Variants in GCNT1 observed in about 807,000 individuals in gnomAD.
GCNT1 encodes the protein beta-1,3-galactosyl-O-glycosyl-glycoprotein beta-1,6-N-acetylglucosaminyltransferase.
GCNT1 carries 16 observed loss-of-function variants against 26.2 expected under a neutral mutation model. The ratio of observed to expected loss-of-function variants is 0.61; its 90% CI spans 0.41 to 0.93. The LOEUF is 0.93. GCNT1 is among the 40% of genes least tolerant of loss of function. GCNT1 has a pLI of 0.00. For synonymous variants in GCNT1, 183 were observed against 190.8 expected, an observed-to-expected ratio of 0.96 and a Z score of 0.34; for missense variants, 477 against 526.7, an observed-to-expected ratio of 0.91 and a Z score of 0.92.
At chr9:76,429,470 A>G (rs889345591) in intron 1 of GCNT1, among the ~76,000 whole-genome samples, 3 of 152,216 alleles carry the variant, frequency 2.0e-5, no homozygotes, top group African/African-American at 4.8e-5. Context: ...TCCTTAATAC[A>G]GTGGCCTAAA....
chr9:76,395,965 G>A, the GCNT1 span, among the ~76,000 whole-genome samples: 2 of 152,238 alleles, frequency 1.3e-5, no homozygotes, highest in Non-Finnish European at 2.9e-5. Flanking sequence ...CAGAAAAGAG[G>A]TCAGAATGAT....
At chr9:76,405,173 T>G in the GCNT1 span, among the ~76,000 whole-genome samples, 2 of 152,172 alleles carry the variant, frequency 1.3e-5, no homozygotes, top group Non-Finnish European at 2.9e-5. Flanking sequence ...AACCAGCTAG[T>G]GAGCTCTGTT....
chr9:76,471,967 C>T (rs1002107828), intron 2 of GCNT1, among the ~76,000 whole-genome samples: 29 of 152,060 alleles, frequency 1.9e-4, no homozygotes, highest in Non-Finnish European at 3.2e-4. Context: ...ATCAGCCTCC[C>T]GTAAATATTT....
Position 76,507,148 on chromosome 9 carries a change from C to T in GCNT1, c.*3480C>T, listed in dbSNP as rs1392141068. ...AATAGCTCATGTTATTTACTGAATACTGTTGTGAAAGTGAAAAACAATGAT... is the reference window on the plus strand; with the variant it reads ...AATAGCTCATGTTATTTACTGAATATTGTTGTGAAAGTGAAAAACAATGAT... On this transcript the variant is annotated 3_prime_UTR_variant, in exon 4 of 4. Coordinates refer to ENST00000376730, the MANE Select transcript of GCNT1 (RefSeq NM_001490.5). 1 of 166,938 alleles carries T rather than the reference C, an allele frequency of 6.0e-6. No individual in the cohort carries two copies. The highest frequency in any genetic ancestry group is 1.5e-5 in the Non-Finnish European group (1 of 68,088). The allele number at this position is 166,938 out of a possible 1,614,324, so 10.3% of individuals were successfully genotyped here. A position where few individuals can be genotyped will look rare whatever the true frequency, so the allele number is the denominator to read the frequency against.
chr9:76,403,781 A>G, the GCNT1 span, among the ~76,000 whole-genome samples: 1 of 152,260 alleles, frequency 6.6e-6, no homozygotes, highest in African/African-American at 2.4e-5. Context: ...GTTTCACTAT[A>G]GAAGAAGAAA....
At chr9:76,399,236 C>G in the GCNT1 span, 1 of 1,499,464 alleles carries the variant, frequency 6.7e-7, no homozygotes, top group Non-Finnish European at 9.2e-7. Flanking sequence ...GATGCTGGCT[C>G]GGGAAGTTCT....
chr9:76,408,766 C>G, the GCNT1 span, among the ~76,000 whole-genome samples: 31 of 152,246 alleles, frequency 2.0e-4, no homozygotes, highest in African/African-American at 7.2e-4. Flanking sequence ...TGGCTCACTG[C>G]AGCCTCTGCC....
At chr9:76,403,974 T>G in the GCNT1 span, among the ~76,000 whole-genome samples, 1 of 152,254 alleles carries the variant, frequency 6.6e-6, no homozygotes, top group Non-Finnish European at 1.5e-5. Context: ...CTGGACTCTT[T>G]TCAGAATAAT....
At chr9:76,438,274 G>A (rs1823436101), upstream of GCNT1, among the ~76,000 whole-genome samples, 1 of 152,182 alleles carries the variant, frequency 6.6e-6, no homozygotes, top group South Asian at 2.1e-4. Context: ...CTCAAAGGGA[G>A]GTGTGGGGGG....
At chr9:76,484,332 T>G (rs1459664808) in intron 2 of GCNT1, among the ~76,000 whole-genome samples, 1 of 151,000 alleles carries the variant, frequency 6.6e-6, no homozygotes, top group East Asian at 1.9e-4. Flanking sequence ...ATAATGACAT[T>G]GTACTACAGA....
chr9:76,443,975 AAGG>A (rs1218569411), intron 1 of GCNT1, among the ~76,000 whole-genome samples: 9 of 124,706 alleles, frequency 7.2e-5, no homozygotes, highest in African/African-American at 2.6e-4. Flanking sequence ...GGAAGGAAGG[AAGG>A]AAGGAAGGAA....
intron 2 of GCNT1, among the ~76,000 whole-genome samples, chr9:76,462,929 G>C (rs1823905831): frequency 6.6e-6 from 1 of 152,238 alleles, no homozygotes; most frequent in Admixed American, 6.5e-5. Context: ...AATGAAAAAG[G>C]AATTCTACGG....
chr9:76,409,666 G>C, the GCNT1 span, among the ~76,000 whole-genome samples: 4 of 152,006 alleles, frequency 2.6e-5, no homozygotes, highest in Non-Finnish European at 5.9e-5. Flanking sequence ...GGCTGGTCTC[G>C]AACTGCTGAC....
intron 1 of GCNT1, among the ~76,000 whole-genome samples, chr9:76,453,560 C>T (rs1272666147): frequency 6.6e-6 from 1 of 152,220 alleles, no homozygotes; most frequent in Middle Eastern, 3.4e-3. Context: ...GTGAGAGTTA[C>T]CCATGGCATT....
the GCNT1 span, among the ~76,000 whole-genome samples, chr9:76,401,594 C>G: frequency 6.6e-6 from 1 of 151,984 alleles, no homozygotes; most frequent in African/African-American, 2.4e-5. Context: ...TAGAAGGGAC[C>G]CCCTGTAACA....
At chr9:76,412,571 T>A in the GCNT1 span, among the ~76,000 whole-genome samples, 1 of 152,234 alleles carries the variant, frequency 6.6e-6, no homozygotes, top group Non-Finnish European at 1.5e-5. Context: ...TCTCACCACT[T>A]TAAATATTTC....
At chr9:76,394,258 G>GGT in the GCNT1 span, 1 of 1,373,134 alleles carries the variant, frequency 7.3e-7, no homozygotes, top group Non-Finnish European at 9.9e-7. Context: ...CCCCGGACCA[G>GGT]CCGGGGGACA....
At chr9:76,440,391 G>A (rs1823468789), upstream of GCNT1, among the ~76,000 whole-genome samples, 1 of 152,224 alleles carries the variant, frequency 6.6e-6, no homozygotes, top group Non-Finnish European at 1.5e-5. Context: ...CACTAAAGCT[G>A]TGATGAATGA....
chr9:76,408,174 G>A, the GCNT1 span, among the ~76,000 whole-genome samples: 1 of 152,128 alleles, frequency 6.6e-6, no homozygotes, highest in Non-Finnish European at 1.5e-5. Context: ...GATTTTAAAA[G>A]GGAGTGGTAA....
Sources: allele counts gnomAD v4.1 joint callset (sites outside exome capture counted in the v4.1 genomes callset), GRCh38; gene constraint gnomAD v4.1.1; transcripts MANE v1.5; gene names NCBI Gene and HGNC (gene_info 2026-07-23, HGNC 2026-07-21).